GFPT1: variants seen among roughly 807,000 people sequenced by gnomAD.
GFPT1 encodes the protein glutamine--fructose-6-phosphate aminotransferase [isomerizing] 1.
GFPT1 carries 40 observed loss-of-function variants against 92.0 expected under a neutral mutation model. The observed-to-expected ratio is 0.43, with a 90% CI of 0.34 to 0.57. The LOEUF is 0.57. GFPT1 is among the 20% of genes least tolerant of loss of function. GFPT1 has a pLI of 0.02. For synonymous variants in GFPT1, 269 were observed against 280.6 expected, an observed-to-expected ratio of 0.96 and a Z score of 0.41; for missense variants, 448 against 869.1, an observed-to-expected ratio of 0.52 and a Z score of 6.09.
chr2:69,349,448 A>G (rs1302788920), intron 10 of GFPT1, among the ~76,000 whole-genome samples: 1 of 152,168 alleles, frequency 6.6e-6, no homozygotes, highest in African/African-American at 2.4e-5. Context: ...ATATTCCCTG[A>G]TGTCCTAAAT....
rs936485410 is a variant in GFPT1, at chr2:69,320,689, G to A, written c.*5500C>T. 3.9e-5 allele frequency: 6 copies of A among 152,128 alleles called. No homozygotes were observed. Among genetic ancestry groups the A allele is most frequent in the East Asian group, 3.9e-4 (2 of 5,188 alleles). 9.4% of individuals were successfully genotyped at this position (152,128 alleles called of 1,614,324 possible). Reference sequence around the variant, plus strand: ...TGTAATCCCAGCTAATCCAGAGGCTGAGGCAAAAGACTCGTGTGAACACGG... The same window carrying A: ...TGTAATCCCAGCTAATCCAGAGGCTAAGGCAAAAGACTCGTGTGAACACGG... On this transcript the variant is annotated 3_prime_UTR_variant, in exon 20 of 20. Transcript: ENST00000357308.
chr2:69,330,648 T>C (rs1670638427), intron 15 of GFPT1, among the ~76,000 whole-genome samples: 1 of 152,058 alleles, frequency 6.6e-6, no homozygotes, highest in Non-Finnish European at 1.5e-5. Context: ...TCATCTGTTA[T>C]TAGAAATAAT....
intron 3 of GFPT1, among the ~76,000 whole-genome samples, chr2:69,364,392 T>C (rs1365988723): frequency 6.6e-6 from 1 of 152,220 alleles, no homozygotes; most frequent in African/African-American, 2.4e-5. Flanking sequence ...TCAAGTTTCC[T>C]GGAGATACAA....
At chr2:69,352,332 C>T (rs115421841) in intron 9 of GFPT1, among the ~76,000 whole-genome samples, 1,789 of 148,856 alleles carry the variant, frequency 0.012, 33 homozygotes, top group African/African-American at 0.042. Flanking sequence ...AAAATAAATG[C>T]AACCAGGTGT....
intron 6 of GFPT1, 40 bp downstream of exon 6, chr2:69,358,289 T>C: frequency 6.4e-7 from 1 of 1,558,412 alleles, no homozygotes; most frequent in Non-Finnish European, 8.9e-7. Flanking sequence ...TTCTCAGCAT[T>C]AATGTTGGCA....
intron 12 of GFPT1, among the ~76,000 whole-genome samples, chr2:69,345,211 GCA>G (rs1342308223): frequency 6.6e-6 from 1 of 151,970 alleles, no homozygotes; most frequent in Non-Finnish European, 1.5e-5. Context: ...AGCCGAGATG[GCA>G]CCACTGCACC....
At position 69,358,411 on chromosome 2, in the gene GFPT1, T is replaced by C. The variant is rs769251120; in HGVS notation, c.461A>G (p.Lys154Arg). The C allele has an allele frequency of 6.2e-7, 1 of 1,610,198 alleles. No homozygotes were observed. The highest frequency in any genetic ancestry group is 1.7e-5 in the Admixed American group (1 of 60,016). ...ATTGTCATACATATACTTAACGAGC[T>C]TGGCAATTGTCTCTGTGTCTGTTTC... ...ESETDTETIAKLVKYMYDNRE... is the reference protein window; with the variant it reads ...ESETDTETIARLVKYMYDNRE... Residue 154 changes from lysine to arginine, a missense_variant, in exon 6 of 20, where the codon AAG becomes AGG. Lys to Arg is a conservative substitution (Grantham distance 26, BLOSUM62 2). Transcript: ENST00000357308.
chr2:69,330,620 CAG>C (rs930435004), intron 15 of GFPT1, among the ~76,000 whole-genome samples: 1 of 143,580 alleles, frequency 7.0e-6, no homozygotes, highest in African/African-American at 2.6e-5. Context: ...GAAAAGTAAA[CAG>C]AAATAATATT....
intron 1 of GFPT1, among the ~76,000 whole-genome samples, chr2:69,383,346 C>T (rs1672053726): frequency 6.6e-6 from 1 of 152,150 alleles, no homozygotes; most frequent in African/African-American, 2.4e-5. Flanking sequence ...ACCTCCATTT[C>T]CAGGGGACAA....
At chr2:69,363,698 A>G (rs1239719345) in intron 3 of GFPT1, 28 bp from the exon 4 acceptor site, 4 of 1,490,558 alleles carry the variant, frequency 2.7e-6, no homozygotes, top group Admixed American at 1.7e-5. Flanking sequence ...AAAAATTTCA[A>G]TATTAAATCA....
At chr2:69,339,749 G>A (rs1005822647) in intron 13 of GFPT1, among the ~76,000 whole-genome samples, 2 of 151,896 alleles carry the variant, frequency 1.3e-5, no homozygotes, top group African/African-American at 2.4e-5. Context: ...GAACAGAATC[G>A]TTTTACTTGG....
At position 69,386,602 on chromosome 2, in the gene GFPT1, G is replaced by A. The variant is rs1242040359; in HGVS notation, c.7+463C>T. 3.9e-5 allele frequency among the ~76,000 whole-genome samples: 6 copies of A among 152,072 alleles called. 1 individual carries two copies. The South Asian group carries it at 1.2e-3, about 32-fold the overall frequency. ...CTCTAGCTAGGGTCTGTTTTCTATT[G>A]GGCCTCCCCAGAAACAAGTAAAATA... On this transcript the variant is annotated intron_variant, in intron 1 of 19. Transcript: ENST00000357308.
intron 1 of GFPT1, among the ~76,000 whole-genome samples, chr2:69,376,330 G>A (rs891216412): frequency 3.9e-5 from 6 of 152,150 alleles, no homozygotes; most frequent in Non-Finnish European, 7.4e-5. Context: ...CCAACATGGC[G>A]AAACCCATAG....
At chr2:69,355,548 C>A (rs2104650122) in intron 7 of GFPT1, among the ~76,000 whole-genome samples, 1 of 152,290 alleles carries the variant, frequency 6.6e-6, no homozygotes, top group Non-Finnish European at 1.5e-5. Context: ...GCTACATGGT[C>A]CAGAAAGCCT....
At position 69,344,293 on chromosome 2, in the gene GFPT1, C is replaced by T. The variant is rs116111337; in HGVS notation, c.1105+1611G>A. Among the ~76,000 whole-genome samples, 955 of 151,322 alleles carry T rather than the reference C, an allele frequency of 6.3e-3. 10 individuals carry two copies. Among genetic ancestry groups the T allele is most frequent in the African/African-American group, 0.022 (894 of 41,176 alleles). On this transcript the variant is annotated intron_variant, in intron 12 of 19. Coordinates refer to ENST00000357308, the MANE Select transcript of GFPT1 (RefSeq NM_001244710.2). ...GTAAGACAGTGAGATTAGCTGGCCACGGTTGTTTCCTTAAAATTAGTCCTA... is the reference window on the plus strand; with the variant it reads ...GTAAGACAGTGAGATTAGCTGGCCATGGTTGTTTCCTTAAAATTAGTCCTA...
intron 1 of GFPT1, among the ~76,000 whole-genome samples, chr2:69,374,354 C>T (rs534109808): frequency 8.0e-5 from 12 of 149,638 alleles, no homozygotes; most frequent in East Asian, 5.9e-4. Context: ...CACTCTGTCA[C>T]GCAGGATGGA....
chr2:69,330,330 A>C (rs879919105), intron 15 of GFPT1, among the ~76,000 whole-genome samples: 2 of 152,216 alleles, frequency 1.3e-5, no homozygotes, highest in African/African-American at 2.4e-5. Context: ...CAAAAGCCAA[A>C]CACCTTATAA....
intron 10 of GFPT1, among the ~76,000 whole-genome samples, chr2:69,348,555 C>A (rs1031459217): frequency 2.0e-5 from 3 of 152,134 alleles, no homozygotes; most frequent in African/African-American, 7.2e-5. Context: ...CAATCTAAAC[C>A]AAACAGATTA....
chr2:69,340,318 C>T (rs113469642), intron 13 of GFPT1, among the ~76,000 whole-genome samples: 16 of 151,918 alleles, frequency 1.1e-4, no homozygotes, highest in African/African-American at 3.6e-4. Flanking sequence ...CACACCACTG[C>T]ACCCAGCTGC....
Sources: gnomAD v4.1 joint callset for allele counts (sites outside exome capture counted in the v4.1 genomes callset) on GRCh38, gnomAD v4.1.1 for gene constraint, MANE v1.5 for transcripts, NCBI Gene and HGNC (gene_info 2026-07-23, HGNC 2026-07-21) for gene names.